GPC5: variants seen among roughly 807,000 people sequenced by gnomAD.
GPC5 encodes the protein glypican 5.
In GPC5, 47 loss-of-function variants were observed where a neutral mutation model predicts 53.9. The ratio of observed to expected loss-of-function variants is 0.87; its 90% CI spans 0.69 to 1.11. GPC5 has a LOEUF of 1.11. Among genes scored for constraint, GPC5 ranks in the 50% most tolerant of loss-of-function variants. GPC5 has a pLI of 0.00. For synonymous variants in GPC5, 286 were observed against 263.3 expected (o/e 1.09, Z -0.84); for missense variants, 748 against 713.1 (o/e 1.05, Z -0.56).
At chr13:92,291,306 C>T (rs2042993688) in intron 7 of GPC5, among the ~76,000 whole-genome samples, 1 of 152,176 alleles carries the variant, frequency 6.6e-6, no homozygotes, top group Non-Finnish European at 1.5e-5. Flanking sequence ...CAGCTGGGCT[C>T]CTGAGTCTGG....
chr13:92,440,371 T>C (rs1877497815), intron 7 of GPC5, among the ~76,000 whole-genome samples: 1 of 152,186 alleles, frequency 6.6e-6, no homozygotes, highest in African/African-American at 2.4e-5. Context: ...TTTCTGTTCT[T>C]GTGTTAATTC....
chr13:92,344,427 A>G (rs1276709843), intron 7 of GPC5, among the ~76,000 whole-genome samples: 1 of 152,148 alleles, frequency 6.6e-6, no homozygotes, highest in Non-Finnish European at 1.5e-5. Flanking sequence ...AAACCATATC[A>G]TCATCTATCA....
At chr13:91,576,594 G>A (rs2032146107) in intron 2 of GPC5, among the ~76,000 whole-genome samples, 1 of 152,072 alleles carries the variant, frequency 6.6e-6, no homozygotes, top group Non-Finnish European at 1.5e-5. Context: ...GTAACCACAG[G>A]GTGTGTTAAC....
chr13:92,646,314 A>G (rs1885765515), intron 7 of GPC5, among the ~76,000 whole-genome samples: 2 of 152,272 alleles, frequency 1.3e-5, no homozygotes, highest in Middle Eastern at 3.4e-3. Context: ...ATCATTGTAG[A>G]ATACTAGCTG....
At chr13:91,948,755 C>G (rs2039999193) in intron 6 of GPC5, among the ~76,000 whole-genome samples, 1 of 152,128 alleles carries the variant, frequency 6.6e-6, no homozygotes, top group Non-Finnish European at 1.5e-5. Context: ...TTGTAACAAA[C>G]TGGGTTATAT....
At chr13:92,697,997 A>T (rs1887609253) in intron 7 of GPC5, among the ~76,000 whole-genome samples, 1 of 152,088 alleles carries the variant, frequency 6.6e-6, no homozygotes, top group Non-Finnish European at 1.5e-5. Flanking sequence ...ATGATGGATT[A>T]CGTTTATTGA....
At chr13:92,368,194 A>G (rs1255908392) in intron 7 of GPC5, among the ~76,000 whole-genome samples, 1 of 151,606 alleles carries the variant, frequency 6.6e-6, no homozygotes, top group African/African-American at 2.4e-5. Flanking sequence ...CATGTAGGCC[A>G]GTCTGGTCTC....
intron 6 of GPC5, among the ~76,000 whole-genome samples, chr13:92,138,527 TAAAAAATAAAA>T (rs1166398007): frequency 7.5e-5 from 2 of 26,784 alleles, no homozygotes; most frequent in African/African-American, 2.2e-4. Flanking sequence ...CTCAAAAAAA[TAAAAAATAAAA>T]AATAAAAAAA....
intron 2 of GPC5, among the ~76,000 whole-genome samples, chr13:91,644,307 C>T (rs1016734938): frequency 3.3e-5 from 5 of 152,110 alleles, no homozygotes; most frequent in African/African-American, 4.8e-5. Flanking sequence ...GAATATCCAA[C>T]GTCGCATAGA....
chr13:91,900,072 A>T (rs1273110568), intron 5 of GPC5, among the ~76,000 whole-genome samples: 1 of 152,164 alleles, frequency 6.6e-6, no homozygotes, highest in Non-Finnish European at 1.5e-5. Flanking sequence ...CGTATCTTGC[A>T]AGTAATTTTA....
chr13:92,759,026 G>A (rs1276657255), intron 7 of GPC5, among the ~76,000 whole-genome samples: 1 of 93,168 alleles, frequency 1.1e-5, no homozygotes, highest in Non-Finnish European at 1.9e-5. Flanking sequence ...TTTTGGTGCT[G>A]TCATGAAATA....
intron 6 of GPC5, among the ~76,000 whole-genome samples, chr13:91,974,884 A>C (rs2040282915): frequency 6.6e-6 from 1 of 152,226 alleles, no homozygotes; most frequent in African/African-American, 2.4e-5. Context: ...ACAAGGCTAC[A>C]GTAACCAAAA....
At chr13:92,620,504 A>T (rs1294384622) in intron 7 of GPC5, among the ~76,000 whole-genome samples, 2 of 152,228 alleles carry the variant, frequency 1.3e-5, no homozygotes, top group Non-Finnish European at 2.9e-5. Flanking sequence ...GATGATGCTC[A>T]TATAGAAGTA....
chr13:91,797,052 C>G (rs1359390711), intron 5 of GPC5, among the ~76,000 whole-genome samples: 1 of 151,876 alleles, frequency 6.6e-6, no homozygotes, highest in African/African-American at 2.4e-5. Context: ...CTTACCTTTA[C>G]AAAATATTTT....
chr13:92,458,590 G>A (rs532041317), intron 7 of GPC5, among the ~76,000 whole-genome samples: 3 of 151,816 alleles, frequency 2.0e-5, no homozygotes, highest in African/African-American at 7.3e-5. Context: ...GAGCTACCGT[G>A]CCCTGCCTTA....
intron 4 of GPC5, among the ~76,000 whole-genome samples, chr13:91,746,962 G>A (rs1378781985): frequency 2.0e-5 from 3 of 151,862 alleles, no homozygotes; most frequent in Non-Finnish European, 4.4e-5. Flanking sequence ...TTCTATGTTG[G>A]TCTGTCTGTT....
intron 7 of GPC5, among the ~76,000 whole-genome samples, chr13:92,748,961 A>C (rs1396148529): frequency 6.6e-6 from 1 of 152,180 alleles, no homozygotes; most frequent in Non-Finnish European, 1.5e-5. Context: ...TAATCAAAAG[A>C]ATATCAGTTT....
intron 6 of GPC5, among the ~76,000 whole-genome samples, chr13:91,976,622 G>A (rs1335768468): frequency 1.3e-5 from 2 of 152,204 alleles, no homozygotes; most frequent in African/African-American, 4.8e-5. Flanking sequence ...CACGTGAAGA[G>A]TCTGGCATCT....
chr13:91,636,898 T>A (rs150399621), intron 2 of GPC5, among the ~76,000 whole-genome samples: 128 of 152,258 alleles, frequency 8.4e-4, no homozygotes, highest in Non-Finnish European at 1.5e-3. Flanking sequence ...TTTGAGGCTG[T>A]AGTGAGCTAT....
Sources: gnomAD v4.1 joint callset for allele counts (sites outside exome capture counted in the v4.1 genomes callset) on GRCh38, gnomAD v4.1.1 for gene constraint, MANE v1.5 for transcripts, NCBI Gene and HGNC (gene_info 2026-07-23, HGNC 2026-07-21) for gene names.